The following ZBTB44 variants were observed in gnomAD, a reference collection of about 807,000 sequenced individuals.
The protein encoded by ZBTB44 is zinc finger and BTB domain-containing protein 44.
In ZBTB44, 15 loss-of-function variants were observed where a neutral mutation model predicts 54.0. That is an observed-to-expected ratio of 0.28 (90% CI 0.19 to 0.43). The LOEUF (loss-of-function observed/expected upper bound fraction) is 0.43. Among genes scored for constraint, ZBTB44 ranks in the 20% least tolerant of loss-of-function variants. The pLI, the probability that ZBTB44 is intolerant of heterozygous loss-of-function variation, is 1.00. For missense variants in ZBTB44, 487 were observed against 707.1 expected, an observed-to-expected ratio of 0.69 and a Z score of 3.53; for synonymous variants, 230 against 250.1, an observed-to-expected ratio of 0.92 and a Z score of 0.76.
In ZBTB44 at chr11:130,239,834, C is replaced by G; in HGVS notation, c.1081G>C (p.Ala361Pro). 6.2e-7 allele frequency: 1 copy of G among 1,612,452 alleles called. No homozygotes were observed. The highest frequency in any genetic ancestry group is 8.5e-7 in the Non-Finnish European group (1 of 1,178,978). ...PTLQSTSSTN[A>P]PPDDDDRLEN... ...GACCGATCATCATCATCCGGAGGAG[C>G]ATTAGTGCTAGACGTGCTTTGAAGT... Residue 361 changes from alanine to proline, a missense_variant, in exon 3 of 8, where the codon GCT becomes CCT. Transcript: ENST00000357899.
chr11:130,256,278 G>A (rs1231138343), intron 2 of ZBTB44, among the ~76,000 whole-genome samples: 7 of 152,192 alleles, frequency 4.6e-5, no homozygotes, highest in Admixed American at 3.3e-4. Flanking sequence ...GGAACGCAAG[G>A]CTGGTTCAAC....
chr11:130,235,454 C>A (rs1176367631), intron 5 of ZBTB44, among the ~76,000 whole-genome samples: 1 of 152,090 alleles, frequency 6.6e-6, no homozygotes, highest in African/African-American at 2.4e-5. Context: ...AAATGAATGT[C>A]TGGTTTGAAG....
At chr11:130,244,650 G>C (rs1464874794) in intron 2 of ZBTB44, among the ~76,000 whole-genome samples, 10 of 132,672 alleles carry the variant, frequency 7.5e-5, no homozygotes, top group Non-Finnish European at 1.4e-4. Context: ...CTGGGCGACA[G>C]AGAGAGACTC....
rs1335669026 is a variant in ZBTB44 at position 130,234,120 on chromosome 11, G to C, written c.1686+36C>G. On this transcript the variant is annotated intron_variant, in intron 6 of 7. Transcript: ENST00000357899. ...CTGCCAGCCCACCAAGAGACCCCAA[G>C]GGAAAAGTGCTTTCACAATTCTGGG... 3.9e-6 allele frequency: 6 copies of C among 1,543,606 alleles called. No homozygotes were observed. In the East Asian group the frequency reaches 7.4e-5, roughly 19 times the overall value.
chr11:130,294,803 T>C (rs1038021110), intron 1 of ZBTB44, among the ~76,000 whole-genome samples: 1 of 152,130 alleles, frequency 6.6e-6, no homozygotes, highest in African/African-American at 2.4e-5. Context: ...TATTATTTTA[T>C]CTAGAAAGAA....
chr11:130,235,698 ATT>A (rs1954078734), intron 5 of ZBTB44, among the ~76,000 whole-genome samples: 1 of 152,022 alleles, frequency 6.6e-6, no homozygotes, highest in African/African-American at 2.4e-5. Flanking sequence ...AATAAGGGTG[ATT>A]TAAAATGTAA....
At chr11:130,280,139 T>C (rs1940399536) in intron 1 of ZBTB44, among the ~76,000 whole-genome samples, 1 of 152,120 alleles carries the variant, frequency 6.6e-6, no homozygotes, top group African/African-American at 2.4e-5. Context: ...TTCATTTCAT[T>C]AGCAGGGGAT....
intron 2 of ZBTB44, 72 bp from the exon 3 acceptor site, chr11:130,239,968 AT>A: frequency 9.7e-7 from 1 of 1,035,710 alleles, no homozygotes. Context: ...TGAAAGCTAT[AT>A]TATATCTAAG....
At chr11:130,295,601 C>T in intron 1 of ZBTB44, 2 of 760,336 alleles carry the variant, frequency 2.6e-6, no homozygotes, top group Admixed American at 4.2e-5. Context: ...TGCTTCTCTA[C>T]ATAATATTGT....
chr11:130,277,948 G>A (rs1940228059), intron 1 of ZBTB44, among the ~76,000 whole-genome samples: 1 of 152,068 alleles, frequency 6.6e-6, no homozygotes, highest in Non-Finnish European at 1.5e-5. Flanking sequence ...ACGCCTTCTG[G>A]CCTCCACTGC....
In ZBTB44 at chr11:130,233,116, T is replaced by C. The variant is rs578145580; in HGVS notation, c.*48+192A>G. The C allele has an allele frequency of 2.7e-3, 1,453 of 543,230 alleles. 31 individuals carry two copies. In the South Asian group the frequency reaches 0.031, roughly 12 times the overall value. The allele number at this position is 543,230 out of a possible 1,614,324, so 33.7% of individuals were successfully genotyped here. A position where few individuals can be genotyped will look rare whatever the true frequency, so the allele number is the denominator to read the frequency against. On this transcript the variant is annotated intron_variant, in intron 7 of 7. Transcript: ENST00000357899. ...AACACATAAACCTATATATAAAATA[T>C]AGAATATCTCCAGTATTTTTACTTT... is the stretch of plus-strand genomic sequence containing the variant.
At chr11:130,302,770 C>T (rs371533107) in intron 1 of ZBTB44, among the ~76,000 whole-genome samples, 5 of 152,176 alleles carry the variant, frequency 3.3e-5, no homozygotes, top group African/African-American at 7.2e-5. Context: ...GTCAGGAGTT[C>T]GAGATCAGCC....
chr11:130,264,308 C>G (rs1345852205), intron 1 of ZBTB44, among the ~76,000 whole-genome samples: 1 of 151,922 alleles, frequency 6.6e-6, no homozygotes, highest in Admixed American at 6.6e-5. Flanking sequence ...GAAACCACAG[C>G]CAGCAAATGA....
intron 2 of ZBTB44, among the ~76,000 whole-genome samples, chr11:130,244,658 CTCTG>C (rs1312177298): frequency 9.1e-6 from 1 of 109,562 alleles, no homozygotes; most frequent in Non-Finnish European, 1.8e-5. Flanking sequence ...CAGAGAGAGA[CTCTG>C]TCTGGAAAAA....
intron 1 of ZBTB44, among the ~76,000 whole-genome samples, chr11:130,275,285 G>A (rs986497572): frequency 3.3e-5 from 5 of 152,020 alleles, no homozygotes; most frequent in African/African-American, 1.2e-4. Flanking sequence ...ACTACATACC[G>A]TGAGTGTTTG....
intron 1 of ZBTB44, among the ~76,000 whole-genome samples, chr11:130,265,595 T>C (rs1393890979): frequency 2.0e-5 from 3 of 152,208 alleles, no homozygotes; most frequent in African/African-American, 4.8e-5. Context: ...CAAGCTGTGA[T>C]AGCAAAGGAC....
intron 2 of ZBTB44, among the ~76,000 whole-genome samples, chr11:130,247,330 G>C (rs1313901298): frequency 6.6e-6 from 1 of 152,214 alleles, no homozygotes; most frequent in Admixed American, 6.5e-5. Flanking sequence ...TCCTGGATGA[G>C]AGGGCAGATA....
intron 1 of ZBTB44, among the ~76,000 whole-genome samples, chr11:130,298,066 G>A (rs530412975): frequency 1.3e-5 from 2 of 152,172 alleles, no homozygotes; most frequent in Non-Finnish European, 2.9e-5. Context: ...AAAGATAGAG[G>A]TGAGTAATAA....
chr11:130,314,282 C>G (rs536279514), intron 1 of ZBTB44, 93 bp downstream of exon 1: 1 of 152,456 alleles, frequency 6.6e-6, no homozygotes, highest in African/African-American at 2.4e-5. Flanking sequence ...CCGCTCCCTT[C>G]GGCGCCAGGT....
Sources: gnomAD v4.1 joint callset for allele counts (sites outside exome capture counted in the v4.1 genomes callset) on GRCh38, gnomAD v4.1.1 for gene constraint, MANE v1.5 for transcripts, NCBI Gene and HGNC (gene_info 2026-07-23, HGNC 2026-07-21) for gene names.